The following AHCTF1 variants were observed in gnomAD, a reference collection of about 807,000 sequenced individuals.
AHCTF1 encodes the protein AT-hook containing transcription factor 1, also known as protein ELYS.
A neutral mutation model predicts 248.4 loss-of-function variants in AHCTF1; 24 were observed. The observed-to-expected ratio is 0.10, with a 90% CI of 0.07 to 0.14. AHCTF1 has a LOEUF of 0.14. Ranked by LOEUF, AHCTF1 falls within the 10% of genes least tolerant of loss-of-function variation. The probability of loss-of-function intolerance (pLI) is 1.00; values close to 1 mark genes in which losing one functional copy is unlikely to be tolerated. For synonymous variants in AHCTF1, 786 were observed against 929.8 expected, an observed-to-expected ratio of 0.85 and a Z score of 2.81; for missense variants, 2,206 against 2,636.2, an observed-to-expected ratio of 0.84 and a Z score of 3.57.
Position 246,851,274 on chromosome 1 carries a change from T to C in AHCTF1, c.4732A>G (p.Ile1578Val). 1 of 1,613,982 alleles carries C rather than the reference T, an allele frequency of 6.2e-7. No homozygotes were observed. Among genetic ancestry groups the C allele is most frequent in the African/African-American group, 1.3e-5 (1 of 75,050 alleles). Residue 1578 changes from isoleucine (I) to valine (V), a missense_variant, in exon 33 of 36, where the codon ATT becomes GTT. Physicochemically the swap from Ile to Val is conservative, Grantham distance 29. Transcript: ENST00000648844. ...AAAAGTTCCCCATCTACTTCAGCAA[T>C]GTCACATTCAGCAGTGTCTTTGTTA... ...ADNKDTAECD[I>V]AEVDGELFVA...
At chr1:246,869,363 A>G (rs905488554) in intron 24 of AHCTF1, among the ~76,000 whole-genome samples, 1 of 152,192 alleles carries the variant, frequency 6.6e-6, no homozygotes, top group Non-Finnish European at 1.5e-5. Context: ...TGAAAGGAGG[A>G]GTCACATGTC....
chr1:246,922,773 G>C (rs960521575), intron 1 of AHCTF1, among the ~76,000 whole-genome samples: 6 of 150,982 alleles, frequency 4.0e-5, no homozygotes, highest in Admixed American at 6.6e-5. Flanking sequence ...ACGAGGTCAG[G>C]AGATCGAGAC....
At chr1:246,853,359 G>C in intron 31 of AHCTF1, 60 bp from the exon 32 acceptor site, 3 of 1,380,836 alleles carry the variant, frequency 2.2e-6, no homozygotes, top group Non-Finnish European at 3.0e-6. Flanking sequence ...CACACACAAG[G>C]AAGCAAACAG....
intron 31 of AHCTF1, among the ~76,000 whole-genome samples, chr1:246,854,125 C>T (rs1215555241): frequency 6.6e-6 from 1 of 152,048 alleles, no homozygotes; most frequent in Non-Finnish European, 1.5e-5. Flanking sequence ...CGGTGAAACC[C>T]TGTCTCCACT....
intron 19 of AHCTF1, among the ~76,000 whole-genome samples, 183 bp downstream of exon 19, chr1:246,887,994 C>T (rs1172021972): frequency 6.6e-6 from 1 of 152,108 alleles, no homozygotes; most frequent in Admixed American, 6.6e-5. Context: ...CAAAATTTTT[C>T]ATATAGTTTT....
chr1:246,867,723 T>C lies in AHCTF1; in HGVS notation c.3177A>G (p.Leu1059=). 4 of 1,612,564 alleles carry C rather than the reference T, an allele frequency of 2.5e-6. No homozygotes were observed. Among genetic ancestry groups the C allele is most frequent in the Non-Finnish European group, 3.4e-6 (4 of 1,179,172 alleles). ...TTGCCCAAACTTCTCCAATTTTAGATAACACATTGTTGATGAAAACAGATC... is the reference window on the plus strand; with the variant it reads ...TTGCCCAAACTTCTCCAATTTTAGACAACACATTGTTGATGAAAACAGATC... ...LTRSVFINNV[L]SKIGEVWASK... Residue 1059 remains leucine (L), a synonymous_variant, in exon 25 of 36, where the codon TTA becomes TTG. Coordinates refer to ENST00000648844, the MANE Select transcript of AHCTF1 (RefSeq NM_001323342.2).
intron 1 of AHCTF1, among the ~76,000 whole-genome samples, chr1:246,923,379 C>T (rs1666712974): frequency 6.6e-6 from 1 of 151,942 alleles, no homozygotes; most frequent in South Asian, 2.1e-4. Context: ...TGTGCCACTG[C>T]ACTCCAGCCT....
chr1:246,917,832 T>C (rs1666250211), intron 2 of AHCTF1, among the ~76,000 whole-genome samples: 1 of 152,232 alleles, frequency 6.6e-6, no homozygotes, highest in Non-Finnish European at 1.5e-5. Flanking sequence ...CTTATTCAGG[T>C]AAATGAAATC....
intron 29 of AHCTF1, 58 bp from the exon 30 acceptor site, chr1:246,857,872 G>C: frequency 6.8e-7 from 1 of 1,481,268 alleles, no homozygotes; most frequent in Non-Finnish European, 9.2e-7. Context: ...ATTACTGATA[G>C]TCTTGCATTA....
chr1:246,889,907 A>C, intron 17 of AHCTF1, 59 bp downstream of exon 17: 1 of 1,280,236 alleles, frequency 7.8e-7, no homozygotes, highest in African/African-American at 1.5e-5. Context: ...AACGATGAAC[A>C]CTATTCTGAG....
At position 246,893,900 on chromosome 1, in the gene AHCTF1, T is replaced by A. The variant is rs1407732107; in HGVS notation, c.1804+759A>T. Among the ~76,000 whole-genome samples the A allele has an allele frequency of 3.9e-5, 6 of 152,200 alleles. No individual in the cohort carries two copies. The East Asian group carries it at 1.2e-3, about 29-fold the overall frequency. ...GCCAGTTTAATGACCTGCTGCAAAA[T>A]CTTGGTCAAAAATTACTTTTGGCTG... On this transcript the variant is annotated intron_variant, in intron 14 of 35. Coordinates refer to ENST00000648844, the MANE Select transcript of AHCTF1 (RefSeq NM_001323342.2).
chr1:246,857,965 T>TTCA, intron 29 of AHCTF1, 151 bp from the exon 30 acceptor site: 1 of 442,302 alleles, frequency 2.3e-6, no homozygotes. Context: ...CACTTTCTTC[T>TTCA]TTTTTTTTTT....
At chr1:246,869,096 G>T (rs367924006) in intron 24 of AHCTF1, among the ~76,000 whole-genome samples, 16 of 151,118 alleles carry the variant, frequency 1.1e-4, no homozygotes, top group Non-Finnish European at 2.2e-4. Context: ...CGCCCGCCTT[G>T]GCCTCCCAAA....
At chr1:246,895,972 G>A in intron 12 of AHCTF1, 47 bp from the exon 13 acceptor site, 1 of 1,511,208 alleles carries the variant, frequency 6.6e-7, no homozygotes, top group Non-Finnish European at 9.1e-7. Flanking sequence ...GAAAGAGGGT[G>A]TGAGATCATA....
chr1:246,878,706 T>A (rs1269911010), intron 21 of AHCTF1, among the ~76,000 whole-genome samples: 1 of 152,198 alleles, frequency 6.6e-6, no homozygotes, highest in African/African-American at 2.4e-5. Flanking sequence ...ATACGTTCTG[T>A]GAATACAAAG....
intron 21 of AHCTF1, 75 bp from the exon 22 acceptor site, chr1:246,877,377 G>A: frequency 7.1e-7 from 1 of 1,404,968 alleles, no homozygotes; most frequent in Non-Finnish European, 9.5e-7. Flanking sequence ...TCTACATGTA[G>A]AATTTCAAAG....
chr1:246,867,920 C>T (rs1449951491), intron 24 of AHCTF1, 109 bp from the exon 25 acceptor site: 18 of 412,882 alleles, frequency 4.4e-5, no homozygotes, highest in East Asian at 6.7e-5. Context: ...CACACACACA[C>T]ATTACGTGGT....
chr1:246,902,801 C>A, intron 7 of AHCTF1, 126 bp from the exon 8 acceptor site: 1 of 898,140 alleles, frequency 1.1e-6, no homozygotes, highest in Non-Finnish European at 1.6e-6. Context: ...CTGAAGAGAA[C>A]CAATCATGGA....
At chr1:246,846,894 G>C (rs1660308970) in intron 33 of AHCTF1, among the ~76,000 whole-genome samples, 1 of 151,880 alleles carries the variant, frequency 6.6e-6, no homozygotes, top group Non-Finnish European at 1.5e-5. Flanking sequence ...TGGGACTACA[G>C]GTGCAGCCAC....
Sources: gnomAD v4.1 joint callset for allele counts (sites outside exome capture counted in the v4.1 genomes callset) on GRCh38, gnomAD v4.1.1 for gene constraint, MANE v1.5 for transcripts, NCBI Gene and HGNC (gene_info 2026-07-23, HGNC 2026-07-21) for gene names.